Variants in PLCB1 observed in about 807,000 individuals in gnomAD.
The protein encoded by PLCB1 is phospholipase C beta 1.
PLCB1 carries 46 observed loss-of-function variants against 161.8 expected under a neutral mutation model. The observed-to-expected ratio is 0.28, with a 90% CI of 0.22 to 0.36. The LOEUF is 0.36. Ranked by LOEUF, PLCB1 falls within the 10% of genes least tolerant of loss-of-function variation. The probability of loss-of-function intolerance (pLI) is 1.00; values close to 1 mark genes in which losing one functional copy is unlikely to be tolerated. For synonymous variants in PLCB1, 517 were observed against 503.7 expected, an observed-to-expected ratio of 1.03 and a Z score of -0.35; for missense variants, 1,016 against 1,472.5, an observed-to-expected ratio of 0.69 and a Z score of 5.07.
intron 2 of PLCB1, among the ~76,000 whole-genome samples, chr20:8,183,510 T>C (rs2051869259): frequency 6.6e-6 from 1 of 152,354 alleles, no homozygotes; most frequent in South Asian, 2.1e-4. Context: ...TCTAATGCCA[T>C]GCCAGTCACA....
At chr20:8,467,951 A>G (rs1163662298) in intron 3 of PLCB1, among the ~76,000 whole-genome samples, 2 of 152,198 alleles carry the variant, frequency 1.3e-5, no homozygotes, top group Non-Finnish European at 2.9e-5. Context: ...TCTTTCAAAT[A>G]TATAAGCTTC....
intron 3 of PLCB1, among the ~76,000 whole-genome samples, chr20:8,509,557 G>A (rs1983782740): frequency 6.6e-6 from 1 of 152,064 alleles, no homozygotes; most frequent in Non-Finnish European, 1.5e-5. Flanking sequence ...AGAGAGAGTG[G>A]ATATTTCAGT....
intron 3 of PLCB1, among the ~76,000 whole-genome samples, chr20:8,391,807 A>ATTACTTGTATATATATATATATATACAAG: frequency 1.4e-5 from 2 of 141,954 alleles, no homozygotes; most frequent in East Asian, 4.1e-4. Flanking sequence ...ATATATATAT[A>ATTACTTGTATATATATATATATATACAAG]TATATATATA....
At chr20:8,730,453 T>G (rs1980177767) in intron 18 of PLCB1, among the ~76,000 whole-genome samples, 1 of 151,888 alleles carries the variant, frequency 6.6e-6, no homozygotes, top group South Asian at 2.1e-4. Flanking sequence ...AATAAATTTG[T>G]CTGCCTTCCT....
chr20:8,850,663 C>T (rs538035494), intron 31 of PLCB1, among the ~76,000 whole-genome samples: 3 of 152,202 alleles, frequency 2.0e-5, no homozygotes, highest in Non-Finnish European at 2.9e-5. Flanking sequence ...CTTGAGGGAG[C>T]CTGCTTTGCT....
At chr20:8,198,858 G>A (rs1290227709) in intron 2 of PLCB1, among the ~76,000 whole-genome samples, 3 of 151,854 alleles carry the variant, frequency 2.0e-5, no homozygotes, top group East Asian at 3.9e-4. Flanking sequence ...ATGATTATGT[G>A]GTAAGCATTT....
intron 2 of PLCB1, among the ~76,000 whole-genome samples, chr20:8,241,566 A>C (rs2123204998): frequency 6.6e-6 from 1 of 152,052 alleles, no homozygotes; most frequent in Non-Finnish European, 1.5e-5. Flanking sequence ...TTAATTAGGC[A>C]CCGAGTAGAG....
At chr20:8,539,505 G>C (rs6086490) in intron 3 of PLCB1, among the ~76,000 whole-genome samples, 1 of 151,938 alleles carries the variant, frequency 6.6e-6, no homozygotes, top group Admixed American at 6.5e-5. Flanking sequence ...AAGTTAAAAC[G>C]TCTCCCTTTG....
intron 3 of PLCB1, among the ~76,000 whole-genome samples, chr20:8,610,894 G>C (rs1987887435): frequency 6.6e-6 from 1 of 151,820 alleles, no homozygotes; most frequent in African/African-American, 2.4e-5. Context: ...ATAGTGTGAG[G>C]TAAGGGTCCA....
intron 1 of PLCB1, among the ~76,000 whole-genome samples, chr20:8,138,167 C>A (rs908515840): frequency 1.3e-5 from 2 of 152,252 alleles, no homozygotes; most frequent in Non-Finnish European, 1.5e-5. Context: ...TCTTGCTTAA[C>A]ACTAATATTT....
chr20:8,226,853 A>T (rs1317232878), intron 2 of PLCB1, among the ~76,000 whole-genome samples: 1 of 151,730 alleles, frequency 6.6e-6, no homozygotes, highest in Non-Finnish European at 1.5e-5. Flanking sequence ...GCGTCTGGCT[A>T]ATTTTTTGTA....
intron 3 of PLCB1, among the ~76,000 whole-genome samples, chr20:8,541,139 T>G (rs1247435066): frequency 6.6e-6 from 1 of 152,178 alleles, no homozygotes; most frequent in African/African-American, 2.4e-5. Context: ...AAGCATAGAC[T>G]GCTTAAGAGC....
intron 31 of PLCB1, among the ~76,000 whole-genome samples, chr20:8,881,392 A>C (rs1987981905): frequency 6.7e-6 from 1 of 148,396 alleles, no homozygotes; most frequent in African/African-American, 2.5e-5. Context: ...TCTTATTCTG[A>C]GTCTTTAGCC....
chr20:8,604,252 C>CAAAAAAA (rs34186286), intron 3 of PLCB1, among the ~76,000 whole-genome samples: 1 of 51,396 alleles, frequency 1.9e-5, no homozygotes, highest in Non-Finnish European at 3.4e-5. Context: ...GGCCCTGTCT[C>CAAAAAAA]AAAAAAAAAA....
intron 23 of PLCB1, among the ~76,000 whole-genome samples, chr20:8,745,544 T>C (rs1410469666): frequency 3.9e-5 from 6 of 152,064 alleles, no homozygotes; most frequent in Non-Finnish European, 7.4e-5. Context: ...TCCCCCATGA[T>C]TTGAACAATA....
intron 2 of PLCB1, among the ~76,000 whole-genome samples, chr20:8,216,499 C>G (rs781545304): frequency 3.3e-5 from 5 of 152,076 alleles, no homozygotes; most frequent in African/African-American, 4.8e-5. Flanking sequence ...AAGAGGACTT[C>G]TAAAACAGAG....
intron 2 of PLCB1, among the ~76,000 whole-genome samples, chr20:8,237,492 C>T (rs1317546371): frequency 2.6e-5 from 4 of 152,054 alleles, no homozygotes; most frequent in Non-Finnish European, 4.4e-5. Context: ...CTTACTTGTA[C>T]TTGCCTCACA....
chr20:8,834,094 G>A (rs1325537017), intron 31 of PLCB1, among the ~76,000 whole-genome samples: 1 of 152,050 alleles, frequency 6.6e-6, no homozygotes, highest in Non-Finnish European at 1.5e-5. Context: ...TATTTATTGA[G>A]CATGTACTAT....
chr20:8,697,916 A>G (rs532561096), intron 11 of PLCB1, 133 bp downstream of exon 11: 205 of 748,754 alleles, frequency 2.7e-4, no homozygotes, highest in Admixed American at 7.4e-4. Flanking sequence ...GCAATTTCAG[A>G]GGCTAAAATT....
Sources: gnomAD v4.1 joint callset for allele counts (sites outside exome capture counted in the v4.1 genomes callset) on GRCh38, gnomAD v4.1.1 for gene constraint, MANE v1.5 for transcripts, NCBI Gene and HGNC (gene_info 2026-07-23, HGNC 2026-07-21) for gene names.